Variants in GMDS observed in about 807,000 individuals in gnomAD.
GMDS encodes GDP-mannose 4,6 dehydratase.
In GMDS, 20 loss-of-function variants were observed where a neutral mutation model predicts 49.9. The ratio of observed to expected loss-of-function variants is 0.40; its 90% CI spans 0.28 to 0.58. GMDS has a LOEUF of 0.58. Ranked by LOEUF, GMDS falls within the 20% of genes least tolerant of loss-of-function variation. GMDS has a pLI of 0.42. For synonymous variants in GMDS, 177 were observed against 178.6 expected (o/e 0.99, Z 0.07); for missense variants, 362 against 481.4 (o/e 0.75, Z 2.32).
intron 4 of GMDS, among the ~76,000 whole-genome samples, chr6:2,084,753 C>T (rs569461175): frequency 3.3e-5 from 5 of 152,194 alleles, no homozygotes; most frequent in South Asian, 2.1e-4. Flanking sequence ...GTGATCCGCC[C>T]GCCTCAGCTT....
At chr6:2,140,110 T>C (rs547111392) in intron 1 of GMDS, among the ~76,000 whole-genome samples, 22 of 152,216 alleles carry the variant, frequency 1.4e-4, no homozygotes, top group African/African-American at 4.3e-4. Context: ...ATACCTCATA[T>C]TAGAAAATCA....
At chr6:1,924,759 T>A (rs1761907652) in intron 7 of GMDS, among the ~76,000 whole-genome samples, 1 of 152,204 alleles carries the variant, frequency 6.6e-6, no homozygotes, top group Admixed American at 6.5e-5. Context: ...TCCTGACTGC[T>A]GGACATTGGT....
chr6:2,172,903 C>A (rs910145855), intron 1 of GMDS, among the ~76,000 whole-genome samples: 16 of 152,130 alleles, frequency 1.1e-4, no homozygotes, highest in Admixed American at 6.5e-5. Flanking sequence ...AAAAATATAT[C>A]TTCCTTCTAC....
At chr6:2,113,361 C>T (rs969777428) in intron 4 of GMDS, among the ~76,000 whole-genome samples, 8 of 152,056 alleles carry the variant, frequency 5.3e-5, no homozygotes, top group Non-Finnish European at 2.9e-5. Context: ...TACCTCTAGA[C>T]TCTTACCTCT....
intron 4 of GMDS, among the ~76,000 whole-genome samples, chr6:1,979,709 C>G (rs1372296395): frequency 6.6e-6 from 1 of 152,102 alleles, no homozygotes; most frequent in Admixed American, 6.5e-5. Flanking sequence ...CTGTGAAATA[C>G]TTCATAAGAA....
chr6:2,034,941 C>G (rs9391942), intron 4 of GMDS, among the ~76,000 whole-genome samples: 108,746 of 151,946 alleles, frequency 0.72, 39,124 homozygotes, highest in African/African-American at 0.76. Flanking sequence ...AGAAACCCAG[C>G]CTGAGGATGG....
At chr6:1,636,919 G>C (rs1199887758) in intron 9 of GMDS, among the ~76,000 whole-genome samples, 1 of 152,214 alleles carries the variant, frequency 6.6e-6, no homozygotes, top group Non-Finnish European at 1.5e-5. Flanking sequence ...ACCTGCACAC[G>C]GGGGATCGCT....
At chr6:2,211,277 C>A (rs546659396) in intron 1 of GMDS, among the ~76,000 whole-genome samples, 2 of 152,264 alleles carry the variant, frequency 1.3e-5, no homozygotes, top group East Asian at 3.9e-4. Context: ...TACTAACGCC[C>A]CTTACACACG....
At chr6:1,810,798 T>G (rs182698333) in intron 7 of GMDS, among the ~76,000 whole-genome samples, 1 of 152,218 alleles carries the variant, frequency 6.6e-6, no homozygotes, top group African/African-American at 2.4e-5. Context: ...CGATTATTCC[T>G]TTATCACTGT....
At chr6:2,217,446 T>TA (rs1288984530) in intron 1 of GMDS, among the ~76,000 whole-genome samples, 1 of 152,196 alleles carries the variant, frequency 6.6e-6, no homozygotes, top group Non-Finnish European at 1.5e-5. Flanking sequence ...TAAGTGAAGG[T>TA]TTATGTTTGT....
chr6:1,882,015 T>C (rs1759388254), intron 7 of GMDS, among the ~76,000 whole-genome samples: 1 of 152,188 alleles, frequency 6.6e-6, no homozygotes, highest in African/African-American at 2.4e-5. Flanking sequence ...CAAAAGATAA[T>C]CTAAGTGATT....
chr6:1,671,581 G>A (rs76689483), intron 9 of GMDS, among the ~76,000 whole-genome samples: 3,243 of 152,018 alleles, frequency 0.021, 100 homozygotes, highest in African/African-American at 0.073. Flanking sequence ...AATTTGAGAG[G>A]AAAGCATTTT....
At chr6:2,142,059 C>A (rs551296855) in intron 1 of GMDS, among the ~76,000 whole-genome samples, 1 of 152,062 alleles carries the variant, frequency 6.6e-6, no homozygotes, top group Non-Finnish European at 1.5e-5. Context: ...TTTTCTTATA[C>A]GGGGGAGGTA....
intron 4 of GMDS, among the ~76,000 whole-genome samples, chr6:2,064,969 G>A (rs1771453117): frequency 6.6e-6 from 1 of 152,126 alleles, no homozygotes; most frequent in South Asian, 2.1e-4. Context: ...TCAGCATGTG[G>A]CACAGAAAGG....
intron 4 of GMDS, among the ~76,000 whole-genome samples, chr6:2,069,246 C>T (rs1771824819): frequency 6.6e-6 from 1 of 152,174 alleles, no homozygotes; most frequent in Non-Finnish European, 1.5e-5. Flanking sequence ...CCCTTCCTTA[C>T]ACCTTATACA....
chr6:2,107,213 CTGTT>C (rs1270618698), intron 4 of GMDS, among the ~76,000 whole-genome samples: 4 of 152,322 alleles, frequency 2.6e-5, no homozygotes, highest in African/African-American at 7.2e-5. Flanking sequence ...ACAGAACAAT[CTGTT>C]TGAACAGGGA....
chr6:1,692,015 C>A (rs150031064), intron 9 of GMDS, among the ~76,000 whole-genome samples: 18 of 152,286 alleles, frequency 1.2e-4, no homozygotes, highest in African/African-American at 3.9e-4. Context: ...CACCCTCAGT[C>A]TGGGTGGTCA....
chr6:1,686,365 A>G (rs2814820), intron 9 of GMDS, among the ~76,000 whole-genome samples: 88,338 of 152,106 alleles, frequency 0.58, 26,379 homozygotes, highest in African/African-American at 0.73. Context: ...GTGCATGGCT[A>G]CATAATTAAA....
Position 1,960,836 on chromosome 6 carries a change from T to A in GMDS, c.476A>T (p.Tyr159Phe), listed in dbSNP as rs1763899971. The A allele has an allele frequency of 6.2e-7, 1 of 1,611,902 alleles. No individual in the cohort carries two copies. Among genetic ancestry groups the A allele is most frequent in the Non-Finnish European group, 8.5e-7 (1 of 1,178,288 alleles). ...KFYQASTSEL[Y>F]GKVQEIPQKE... is the part of the protein sequence containing the mutation. Reference sequence around the variant, plus strand: ...CTGGGGTATTTCCTGCACTTTCCCATAAAGTTCACTTGTTGAGGCTTGGTA... The same window carrying A: ...CTGGGGTATTTCCTGCACTTTCCCAAAAAGTTCACTTGTTGAGGCTTGGTA... The change falls in exon 5 of 11, where the codon TAT (tyrosine) becomes TTT (phenylalanine). Residue 159 changes from tyrosine to phenylalanine, a missense_variant. Tyr to Phe is a conservative substitution (Grantham distance 22). Coordinates refer to ENST00000380815, the MANE Select transcript of GMDS (RefSeq NM_001500.4).
Sources: gnomAD v4.1 joint callset for allele counts (sites outside exome capture counted in the v4.1 genomes callset) on GRCh38, gnomAD v4.1.1 for gene constraint, MANE v1.5 for transcripts, NCBI Gene and HGNC (gene_info 2026-07-23, HGNC 2026-07-21) for gene names.